The following COL5A2 variants were observed in gnomAD, a reference collection of about 807,000 sequenced individuals.
COL5A2 encodes the protein collagen type V alpha 2 chain, also known as collagen alpha-2(V) chain.
Under a neutral mutation model 208.2 loss-of-function variants are expected in COL5A2, and 23 were observed. The ratio of observed to expected loss-of-function variants is 0.11; its 90% CI spans 0.08 to 0.16. The LOEUF (loss-of-function observed/expected upper bound fraction) is 0.16. Ranked by LOEUF, COL5A2 falls within the 10% of genes least tolerant of loss-of-function variation. The pLI is 1.00. For synonymous variants in COL5A2, 625 were observed against 628.5 expected, an observed-to-expected ratio of 0.99 and a Z score of 0.08; for missense variants, 1,590 against 1,956.4, an observed-to-expected ratio of 0.81 and a Z score of 3.53.
At chr2:189,430,341 G>A in the COL5A2 span, among the ~76,000 whole-genome samples, 1 of 152,202 alleles carries the variant, frequency 6.6e-6, no homozygotes, top group Non-Finnish European at 1.5e-5. Context: ...ACAGCTACAT[G>A]AGTGAGAGGA....
intron 16 of COL5A2, among the ~76,000 whole-genome samples, chr2:189,076,125 A>G (rs976491158): frequency 6.6e-6 from 1 of 152,192 alleles, no homozygotes; most frequent in African/African-American, 2.4e-5. Flanking sequence ...TCTCCCTCTG[A>G]AAAACCCTGC....
At chr2:189,369,297 C>A in the COL5A2 span, among the ~76,000 whole-genome samples, 1 of 152,090 alleles carries the variant, frequency 6.6e-6, no homozygotes, top group Admixed American at 6.6e-5. Flanking sequence ...TACCCTCCAA[C>A]AATCTTAAAG....
chr2:189,149,823 A>G (rs1688111070), intron 1 of COL5A2, among the ~76,000 whole-genome samples: 1 of 152,234 alleles, frequency 6.6e-6, no homozygotes, highest in South Asian at 2.1e-4. Flanking sequence ...GAATAAAAAC[A>G]CTGGCAATCC....
chr2:189,179,981 A>C, upstream of COL5A2: 2 of 443,800 alleles, frequency 4.5e-6, no homozygotes, highest in Non-Finnish European at 4.0e-6. Context: ...TAACAGAAAC[A>C]AACATTTGTT....
At chr2:189,368,103 C>T in the COL5A2 span, among the ~76,000 whole-genome samples, 3 of 152,080 alleles carry the variant, frequency 2.0e-5, no homozygotes, top group Admixed American at 6.6e-5. Context: ...TCTCTTGTTT[C>T]TCAGCAATCC....
At chr2:189,306,890 C>T in the COL5A2 span, among the ~76,000 whole-genome samples, 6 of 152,096 alleles carry the variant, frequency 3.9e-5, no homozygotes, top group East Asian at 7.7e-4. Flanking sequence ...ATGAACAGTG[C>T]GTTAAACATT....
the COL5A2 span, among the ~76,000 whole-genome samples, chr2:189,414,567 G>A: frequency 5.3e-5 from 8 of 151,614 alleles, no homozygotes; most frequent in African/African-American, 1.9e-4. Flanking sequence ...TGGCCAACAC[G>A]GCAAAACCCC....
At chr2:189,376,335 T>C in the COL5A2 span, among the ~76,000 whole-genome samples, 1 of 152,124 alleles carries the variant, frequency 6.6e-6, no homozygotes, top group Non-Finnish European at 1.5e-5. Flanking sequence ...TAGTTAACTC[T>C]GCATGAGATT....
chr2:189,237,707 TGTAA>T, the COL5A2 span, among the ~76,000 whole-genome samples: 76 of 152,070 alleles, frequency 5.0e-4, 1 homozygote, highest in African/African-American at 1.7e-3. Flanking sequence ...AATGACAGAC[TGTAA>T]GTGTGTACTT....
the COL5A2 span, among the ~76,000 whole-genome samples, chr2:189,432,827 G>A: frequency 1.8e-4 from 28 of 152,186 alleles, no homozygotes; most frequent in African/African-American, 6.5e-4. Flanking sequence ...TGCACCAAGT[G>A]GACCTAATAG....
At chr2:189,188,637 A>C (rs1688883913) in intron 1 of COL5A2, among the ~76,000 whole-genome samples, 1 of 152,186 alleles carries the variant, frequency 6.6e-6, no homozygotes, top group South Asian at 2.1e-4. Flanking sequence ...TACAAAGGGG[A>C]AATTGTCCAG....
chr2:189,283,916 C>T, the COL5A2 span, among the ~76,000 whole-genome samples: 5 of 152,180 alleles, frequency 3.3e-5, no homozygotes, highest in Admixed American at 6.5e-5. Flanking sequence ...CTAATCTGAA[C>T]CACATTCACC....
intron 48 of COL5A2, 41 bp from the exon 49 acceptor site, chr2:189,042,814 G>C (rs1685587710): frequency 6.4e-7 from 1 of 1,565,056 alleles, no homozygotes; most frequent in Non-Finnish European, 8.7e-7. Context: ...AAAATATTTG[G>C]ATCCTGCATT....
chr2:189,368,040 C>T, the COL5A2 span, among the ~76,000 whole-genome samples: 1 of 152,142 alleles, frequency 6.6e-6, no homozygotes, highest in South Asian at 2.1e-4. Flanking sequence ...AATAGCCCCA[C>T]CCTTATCCCC....
chr2:189,403,852 C>T, the COL5A2 span, among the ~76,000 whole-genome samples: 1 of 152,188 alleles, frequency 6.6e-6, no homozygotes, highest in Non-Finnish European at 1.5e-5. Flanking sequence ...CCTGCCTCAG[C>T]CTCCCGAGTA....
chr2:189,434,773 T>TG, the COL5A2 span, among the ~76,000 whole-genome samples: 1 of 152,188 alleles, frequency 6.6e-6, no homozygotes, highest in African/African-American at 2.4e-5. Context: ...ATAGATTCAA[T>TG]GCCATCCCCA....
In COL5A2 at chr2:189,088,738, T is replaced by G. The variant is rs758156613; in HGVS notation, c.602A>C (p.Lys201Thr). ...TCCTACTTGACTCCCAAGTCCAGAT[T>G]TTTCATCCAACCCAGCCATTTGAGC... ...FSAQMAGLDEKSGLGSQVGLM... is the reference protein window; with the variant it reads ...FSAQMAGLDETSGLGSQVGLM... The change falls in exon 8 of 54, where the codon AAA (lysine) becomes ACA (threonine). Residue 201 changes from lysine (K) to threonine (T), a missense_variant. Lys to Thr is a moderately conservative substitution (Grantham distance 78, BLOSUM62 -1). Coordinates refer to ENST00000374866, the MANE Select transcript of COL5A2 (RefSeq NM_000393.5). The G allele has an allele frequency of 3.1e-6, 5 of 1,613,946 alleles. No homozygotes were observed. In the African/African-American group the frequency reaches 5.3e-5, roughly 17 times the overall value.
At chr2:189,225,851 C>T (rs1576591313), upstream of COL5A2, among the ~76,000 whole-genome samples, 1 of 152,172 alleles carries the variant, frequency 6.6e-6, no homozygotes, top group East Asian at 1.9e-4. Flanking sequence ...GTAGAACAAC[C>T]AGTGATTTAA....
intron 1 of COL5A2, among the ~76,000 whole-genome samples, chr2:189,216,556 T>C (rs1689281982): frequency 6.6e-6 from 1 of 152,076 alleles, no homozygotes; most frequent in African/African-American, 2.4e-5. Flanking sequence ...TATCTGTCAC[T>C]AGGGTGAATT....
Sources: allele counts gnomAD v4.1 joint callset (sites outside exome capture counted in the v4.1 genomes callset), GRCh38; gene constraint gnomAD v4.1.1; transcripts MANE v1.5; gene names NCBI Gene and HGNC (gene_info 2026-07-23, HGNC 2026-07-21).